PAQR5: variants seen among roughly 807,000 people sequenced by gnomAD.
The protein encoded by PAQR5 is progestin and adipoQ receptor family member 5, also known as membrane progestin receptor gamma.
Under a neutral mutation model 34.5 loss-of-function variants are expected in PAQR5, and 20 were observed. The ratio of observed to expected loss-of-function variants is 0.58; its 90% CI spans 0.41 to 0.84. The LOEUF (loss-of-function observed/expected upper bound fraction) is 0.84, where lower values mean the gene tolerates loss of function less well. PAQR5 is among the 40% of genes least tolerant of loss of function. The probability of loss-of-function intolerance (pLI) is 0.00; values close to 1 mark genes in which losing one functional copy is unlikely to be tolerated. For synonymous variants in PAQR5, 131 were observed against 155.6 expected, an observed-to-expected ratio of 0.84 and a Z score of 1.18; for missense variants, 378 against 412.7, an observed-to-expected ratio of 0.92 and a Z score of 0.73.
intron 7 of PAQR5, chr15:69,397,787 C>G: frequency 1.7e-6 from 1 of 582,630 alleles, no homozygotes; most frequent in Non-Finnish European, 3.0e-6. Flanking sequence ...TAGTACAGAT[C>G]AAAATGGAGT....
chr15:69,329,645 C>T (rs1222396960), intron 1 of PAQR5, among the ~76,000 whole-genome samples: 6 of 151,452 alleles, frequency 4.0e-5, no homozygotes, highest in African/African-American at 1.5e-4. Flanking sequence ...CCACCACACC[C>T]GGCTAATATT....
rs34697717 is a variant in PAQR5 at position 69,316,417 on chromosome 15, TA to T, written c.-277+17371del. ...AATAATGCATTTTGCCTCAGCCCTT[TA>T]AAAAAAAAAGCCTGTGCTTAATAAT... On this transcript the variant is annotated intron_variant, in intron 1 of 8. Coordinates refer to ENST00000395407, the MANE Select transcript of PAQR5 (RefSeq NM_017705.4). Among the ~76,000 whole-genome samples, 75 of 148,208 alleles carry T rather than the reference TA, an allele frequency of 5.1e-4. 1 individual carries two copies. The highest frequency in any genetic ancestry group is 1.6e-3 in the African/African-American group (64 of 40,554).
chr15:69,352,709 C>T (rs1380116278), intron 2 of PAQR5, among the ~76,000 whole-genome samples: 3 of 152,204 alleles, frequency 2.0e-5, no homozygotes, highest in East Asian at 3.9e-4. Flanking sequence ...GGCAGAAATT[C>T]GAGCAGGGCA....
chr15:69,310,724 T>C (rs1002202356), intron 1 of PAQR5, among the ~76,000 whole-genome samples: 1 of 152,036 alleles, frequency 6.6e-6, no homozygotes, highest in South Asian at 2.1e-4. Flanking sequence ...TTATTATTGC[T>C]GTTACTGCTG....
intron 3 of PAQR5, among the ~76,000 whole-genome samples, chr15:69,367,037 G>A (rs958217446): frequency 1.3e-5 from 2 of 151,800 alleles, no homozygotes; most frequent in African/African-American, 4.8e-5. Context: ...TCCTTCCTTT[G>A]ACTTTCAATC....
At chr15:69,325,829 C>T (rs1173277127) in intron 1 of PAQR5, among the ~76,000 whole-genome samples, 1 of 152,188 alleles carries the variant, frequency 6.6e-6, no homozygotes, top group African/African-American at 2.4e-5. Context: ...TACGCACAGC[C>T]ATCTGCCCGG....
rs141210916 is a variant in PAQR5 at position 69,346,999 on chromosome 15, T to C, written c.-116+9498T>C. On this transcript the variant is annotated intron_variant, in intron 2 of 8. Transcript: ENST00000395407. ...ACCAGGCTAATTTTTTGTGTGTATT[T>C]TTAGTACAGATGAGGTTTCACCACG... is the stretch of plus-strand genomic sequence containing the variant. 9.3e-4 allele frequency among the ~76,000 whole-genome samples: 142 copies of C among 151,996 alleles called. 1 individual carries two copies. Among genetic ancestry groups the C allele is most frequent in the Middle Eastern group, 3.4e-3 (1 of 294 alleles).
chr15:69,351,556 C>T (rs1160530030), intron 2 of PAQR5, among the ~76,000 whole-genome samples: 3 of 152,250 alleles, frequency 2.0e-5, no homozygotes, highest in African/African-American at 7.2e-5. Context: ...TACACCTTCA[C>T]CGTCCTACCT....
chr15:69,315,280 T>G (rs2053921037), intron 1 of PAQR5, among the ~76,000 whole-genome samples: 1 of 152,130 alleles, frequency 6.6e-6, no homozygotes, highest in South Asian at 2.1e-4. Context: ...GGTTGCCAAT[T>G]ATTGAGGAAA....
At chr15:69,329,981 C>T (rs898983150) in intron 1 of PAQR5, among the ~76,000 whole-genome samples, 3 of 152,090 alleles carry the variant, frequency 2.0e-5, no homozygotes, top group Non-Finnish European at 4.4e-5. Flanking sequence ...ATAGCCCTGG[C>T]CAGGTAGGTA....
At chr15:69,366,120 C>T (rs1263916671) in intron 3 of PAQR5, among the ~76,000 whole-genome samples, 19 of 152,320 alleles carry the variant, frequency 1.2e-4, no homozygotes, top group Admixed American at 8.5e-4. Flanking sequence ...ATTTTCTATT[C>T]CCTTAGTTCC....
chr15:69,346,500 A>G (rs2054776727), intron 2 of PAQR5, among the ~76,000 whole-genome samples: 1 of 151,370 alleles, frequency 6.6e-6, no homozygotes, highest in Non-Finnish European at 1.5e-5. Context: ...AGGTATCACT[A>G]TGTTGCCCAG....
At chr15:69,300,937 C>CTTTCTTTCCTTCTTTCTT (rs56151928) in intron 1 of PAQR5, among the ~76,000 whole-genome samples, 2 of 5,154 alleles carry the variant, frequency 3.9e-4, no homozygotes, top group African/African-American at 5.9e-4. Flanking sequence ...CTCTCTCTCT[C>CTTTCTTTCCTTCTTTCTT]TCTTTCTTTC....
intron 3 of PAQR5, among the ~76,000 whole-genome samples, chr15:69,360,440 GT>G (rs1286769460): frequency 7.9e-5 from 12 of 152,348 alleles, no homozygotes; most frequent in African/African-American, 2.9e-4. Context: ...TGGGTAGGAA[GT>G]TTATTTTTTC....
intron 2 of PAQR5, among the ~76,000 whole-genome samples, chr15:69,351,294 G>A (rs532633629): frequency 1.9e-4 from 29 of 152,354 alleles, no homozygotes; most frequent in African/African-American, 6.7e-4. Flanking sequence ...ATCCCCATTC[G>A]GCTTATGTAT....
At chr15:69,316,816 G>T (rs893206611) in intron 1 of PAQR5, among the ~76,000 whole-genome samples, 20 of 152,056 alleles carry the variant, frequency 1.3e-4, no homozygotes, top group East Asian at 5.8e-4. Flanking sequence ...TGCCCATAAG[G>T]GGTTTATTTA....
chr15:69,362,188 C>T (rs2055252324), intron 3 of PAQR5, among the ~76,000 whole-genome samples: 1 of 152,146 alleles, frequency 6.6e-6, no homozygotes, highest in South Asian at 2.1e-4. Context: ...GAAAGATGAA[C>T]ATGTCCTCTC....
chr15:69,387,535 G>A (rs1222346441), intron 5 of PAQR5, among the ~76,000 whole-genome samples: 1 of 152,210 alleles, frequency 6.6e-6, no homozygotes, highest in Non-Finnish European at 1.5e-5. Context: ...GGCATCTGAG[G>A]GCAGCCATTA....
intron 1 of PAQR5, among the ~76,000 whole-genome samples, chr15:69,306,481 G>T (rs536427216): frequency 1.4e-5 from 2 of 142,818 alleles, no homozygotes; most frequent in African/African-American, 2.6e-5. Flanking sequence ...GCACCATCTC[G>T]GCTCACCGCA....
Sources: gnomAD v4.1 joint callset for allele counts (sites outside exome capture counted in the v4.1 genomes callset) on GRCh38, gnomAD v4.1.1 for gene constraint, MANE v1.5 for transcripts, NCBI Gene and HGNC (gene_info 2026-07-23, HGNC 2026-07-21) for gene names.